Variants in SUGCT observed in about 807,000 individuals in gnomAD.
The protein encoded by SUGCT is succinyl-CoA:glutarate CoA-transferase.
SUGCT carries 41 observed loss-of-function variants against 55.0 expected under a neutral mutation model. The observed-to-expected ratio is 0.74, with a 90% CI of 0.58 to 0.97. The LOEUF (loss-of-function observed/expected upper bound fraction) is 0.97. Ranked by LOEUF, SUGCT falls within the 50% of genes least tolerant of loss-of-function variation. The probability of loss-of-function intolerance (pLI) is 0.00; values close to 1 mark genes in which losing one functional copy is unlikely to be tolerated. For synonymous variants in SUGCT, 187 were observed against 200.4 expected (o/e 0.93, Z 0.56); for missense variants, 568 against 547.8 (o/e 1.04, Z -0.37).
At chr7:40,226,590 T>G (rs941264820) in intron 6 of SUGCT, among the ~76,000 whole-genome samples, 84 of 151,788 alleles carry the variant, frequency 5.5e-4, no homozygotes, top group Non-Finnish European at 1.6e-4. Context: ...ACTAACTCTT[T>G]TTTTTTTTTT....
At chr7:40,245,450 T>TTTTA (rs1562607678) in intron 7 of SUGCT, among the ~76,000 whole-genome samples, 4 of 82,788 alleles carry the variant, frequency 4.8e-5, no homozygotes, top group South Asian at 4.0e-4. Flanking sequence ...TTTTTTTTTT[T>TTTTA]TTTTTTTGAG....
intron 12 of SUGCT, among the ~76,000 whole-genome samples, chr7:40,532,716 A>G (rs1453852346): frequency 6.6e-6 from 1 of 152,038 alleles, no homozygotes. Flanking sequence ...TTTGTTTTTT[A>G]ATATTAAGAG....
At chr7:40,371,358 A>G (rs1784287071) in intron 9 of SUGCT, among the ~76,000 whole-genome samples, 1 of 152,228 alleles carries the variant, frequency 6.6e-6, no homozygotes, top group South Asian at 2.1e-4. Context: ...TATTTCTCCT[A>G]TAGCTGGTGA....
the SUGCT span, among the ~76,000 whole-genome samples, chr7:40,945,122 C>T: frequency 6.6e-6 from 1 of 152,078 alleles, no homozygotes; most frequent in Non-Finnish European, 1.5e-5. Flanking sequence ...GTGGCTAAAA[C>T]AGGTGGGTAA....
At chr7:40,209,155 A>G (rs1226246289) in intron 6 of SUGCT, among the ~76,000 whole-genome samples, 2 of 152,204 alleles carry the variant, frequency 1.3e-5, no homozygotes, top group Non-Finnish European at 2.9e-5. Flanking sequence ...AATAGAATGA[A>G]TAGTTATAAT....
the SUGCT span, among the ~76,000 whole-genome samples, chr7:40,876,395 C>G: frequency 2.0e-5 from 3 of 152,176 alleles, no homozygotes; most frequent in African/African-American, 7.2e-5. Flanking sequence ...TAAAACATTA[C>G]TCTTAAACCC....
rs895399393 is a variant in SUGCT, at chr7:40,553,496, T to C, written c.1089+57110T>C. 2.0e-5 allele frequency among the ~76,000 whole-genome samples: 3 copies of C among 152,214 alleles called. No individual in the cohort carries two copies. The East Asian group carries it at 5.8e-4, about 29-fold the overall frequency. On this transcript the variant is annotated intron_variant, in intron 12 of 13. Transcript: ENST00000335693. ...ATAATTTTTTTATTTTTTATAATAA[T>C]ATATGAGAATTTCTCCATGGATTTA...
the SUGCT span, among the ~76,000 whole-genome samples, chr7:40,973,052 T>C: frequency 1.5e-3 from 235 of 152,186 alleles, no homozygotes; most frequent in African/African-American, 5.4e-3. Context: ...ACAGGGAGGG[T>C]ATTTTAGCAG....
intron 8 of SUGCT, among the ~76,000 whole-genome samples, chr7:40,299,164 A>G (rs1384443501): frequency 6.6e-6 from 1 of 152,194 alleles, no homozygotes; most frequent in Non-Finnish European, 1.5e-5. Context: ...TTGACCGTAA[A>G]CCAGGAGTTG....
intron 11 of SUGCT, among the ~76,000 whole-genome samples, chr7:40,487,906 A>C (rs1791468100): frequency 6.6e-6 from 1 of 151,578 alleles, no homozygotes; most frequent in South Asian, 2.1e-4. Context: ...TTAAAGATGA[A>C]GGGAGTCTCT....
At position 40,570,758 on chromosome 7, in the gene SUGCT, A is replaced by G. The variant is rs1251673070; in HGVS notation, c.1089+74372A>G. ...CTTCTGTTGGGCTGGAGAATCAGAT[A>G]ACCAGCCTAATTAGGATTATGTCTA... is the stretch of plus-strand genomic sequence containing the variant. On this transcript the variant is annotated intron_variant, in intron 12 of 13. Transcript: ENST00000335693. Among the ~76,000 whole-genome samples, 5 of 151,762 alleles carry G rather than the reference A, an allele frequency of 3.3e-5. No individual in the cohort carries two copies. In the East Asian group the frequency reaches 9.7e-4, roughly 29 times the overall value.
intron 9 of SUGCT, among the ~76,000 whole-genome samples, chr7:40,324,717 A>G (rs11767708): frequency 0.69 from 105,529 of 152,058 alleles, 36,952 homozygotes; most frequent in East Asian, 0.99. Context: ...CTATTCTATG[A>G]TGTGGTCTGT....
At chr7:40,746,246 G>A (rs1028789182) in intron 12 of SUGCT, among the ~76,000 whole-genome samples, 17 of 152,102 alleles carry the variant, frequency 1.1e-4, no homozygotes, top group Non-Finnish European at 2.5e-4. Context: ...AGCAGGATTC[G>A]CCCCACAAAC....
chr7:40,897,037 G>T, the SUGCT span, among the ~76,000 whole-genome samples: 1 of 152,288 alleles, frequency 6.6e-6, no homozygotes, highest in East Asian at 1.9e-4. Context: ...AGACTAGAGA[G>T]CCCAGAATAA....
At chr7:40,649,756 T>G (rs1393531806) in intron 12 of SUGCT, among the ~76,000 whole-genome samples, 1 of 152,196 alleles carries the variant, frequency 6.6e-6, no homozygotes, top group Admixed American at 6.5e-5. Context: ...AATTTTCAGT[T>G]ATTCAAAAAT....
intron 9 of SUGCT, among the ~76,000 whole-genome samples, chr7:40,358,313 G>A (rs1291216020): frequency 6.6e-6 from 1 of 152,226 alleles, no homozygotes; most frequent in African/African-American, 2.4e-5. Flanking sequence ...AATAGCTGGA[G>A]AGCATATTAT....
chr7:40,691,008 T>C (rs1335291446), intron 12 of SUGCT, among the ~76,000 whole-genome samples: 2 of 152,200 alleles, frequency 1.3e-5, no homozygotes, highest in African/African-American at 4.8e-5. Context: ...GAAATATACT[T>C]GGGCCTTTTG....
intron 9 of SUGCT, among the ~76,000 whole-genome samples, chr7:40,370,621 T>G (rs935654071): frequency 0.044 from 2,410 of 54,262 alleles, no homozygotes; most frequent in Middle Eastern, 0.1. Context: ...GAGAGAGAGA[T>G]GGGGGAGAGA....
intron 13 of SUGCT, among the ~76,000 whole-genome samples, chr7:40,752,463 C>T (rs992263823): frequency 1.3e-5 from 2 of 152,218 alleles, no homozygotes; most frequent in Non-Finnish European, 2.9e-5. Context: ...TTAAGCAATT[C>T]CCCTGCCTCA....
Sources: allele counts gnomAD v4.1 joint callset (sites outside exome capture counted in the v4.1 genomes callset), GRCh38; gene constraint gnomAD v4.1.1; transcripts MANE v1.5; gene names NCBI Gene and HGNC (gene_info 2026-07-23, HGNC 2026-07-21).